The following ABCB5 variants were observed in gnomAD, a reference collection of about 807,000 sequenced individuals.
ABCB5 encodes ATP-binding cassette sub-family B member 5.
ABCB5 carries 155 observed loss-of-function variants against 144.2 expected under a neutral mutation model. The ratio of observed to expected loss-of-function variants is 1.08; its 90% CI spans 0.94 to 1.23. ABCB5 has a LOEUF of 1.23. ABCB5 is among the 50% of genes most tolerant of loss of function. The pLI, the probability that ABCB5 is intolerant of heterozygous loss-of-function variation, is 0.00. For synonymous variants in ABCB5, 610 were observed against 528.6 expected (o/e 1.15, Z -2.11); for missense variants, 1,830 against 1,520.8 (o/e 1.20, Z -3.38).
chr7:20,668,321 G>GTC (rs1432943330), intron 14 of ABCB5, among the ~76,000 whole-genome samples: 2 of 146,374 alleles, frequency 1.4e-5, no homozygotes, highest in Non-Finnish European at 3.0e-5. Context: ...AGTGAGGAGC[G>GTC]TCTCTGCCCG....
intron 19 of ABCB5, among the ~76,000 whole-genome samples, chr7:20,703,104 A>G (rs1786690690): frequency 2.0e-5 from 3 of 152,186 alleles, no homozygotes; most frequent in South Asian, 4.1e-4. Flanking sequence ...TTACTATAGA[A>G]TCAGGAATGT....
At chr7:20,690,773 G>A (rs1041905273) in intron 16 of ABCB5, among the ~76,000 whole-genome samples, 3 of 152,152 alleles carry the variant, frequency 2.0e-5, no homozygotes, top group African/African-American at 7.2e-5. Context: ...GATAGAAAAA[G>A]TCACTAGTGA....
intron 24 of ABCB5, among the ~76,000 whole-genome samples, chr7:20,740,877 C>T (rs1450891395): frequency 3.3e-5 from 5 of 151,968 alleles, no homozygotes; most frequent in Non-Finnish European, 5.9e-5. Context: ...GAGGCTGAGA[C>T]GGGCGGATCA....
At chr7:20,646,212 T>C (rs2128023831) in intron 9 of ABCB5, 74 bp downstream of exon 9, 1 of 1,400,480 alleles carries the variant, frequency 7.1e-7, no homozygotes, top group Non-Finnish European at 9.7e-7. Context: ...AATTCCTCTT[T>C]GAAGATAAAT....
intron 23 of ABCB5, among the ~76,000 whole-genome samples, chr7:20,732,927 A>G (rs1175770609): frequency 6.6e-6 from 1 of 152,200 alleles, no homozygotes; most frequent in East Asian, 1.9e-4. Context: ...ACTGCCAACC[A>G]TTCCATTACT....
chr7:20,735,687 A>T (rs1782359810), intron 23 of ABCB5, among the ~76,000 whole-genome samples: 1 of 152,224 alleles, frequency 6.6e-6, no homozygotes. Flanking sequence ...AAGATTCTAA[A>T]ATGGAAAGCA....
chr7:20,702,749 C>G (rs1015087791), intron 19 of ABCB5, among the ~76,000 whole-genome samples: 3 of 150,076 alleles, frequency 2.0e-5, no homozygotes, highest in African/African-American at 7.4e-5. Context: ...GCAAGCTCCG[C>G]CTCCAGGGTT....
chr7:20,695,820 C>CA (rs1786392731), intron 16 of ABCB5, among the ~76,000 whole-genome samples: 1 of 151,630 alleles, frequency 6.6e-6, no homozygotes, highest in African/African-American at 2.4e-5. Context: ...AAAAGATGCC[C>CA]AACGTGGTTA....
At chr7:20,630,422 A>T (rs1323638388) in intron 4 of ABCB5, among the ~76,000 whole-genome samples, 1 of 152,134 alleles carries the variant, frequency 6.6e-6, no homozygotes, top group Non-Finnish European at 1.5e-5. Context: ...GCAAAAAAAA[A>T]TCTTTAAACT....
Position 20,643,181 on chromosome 7 carries a change from C to T in ABCB5, c.315-3C>T. The T allele has an allele frequency of 6.3e-7, 1 of 1,599,896 alleles. No homozygotes were observed. Among genetic ancestry groups the T allele is most frequent in the Non-Finnish European group, 8.5e-7 (1 of 1,169,616 alleles). ...GTCTCACATTCTAATACTCTTTCTT[C>T]AGGTTGACCCTGTATTATGTTGGAA... On this transcript the variant is annotated splice_region_variant and splice_polypyrimidine_tract_variant and intron_variant, in intron 5 of 27. Transcript: ENST00000404938.
intron 26 of ABCB5, among the ~76,000 whole-genome samples, chr7:20,749,123 CTCTT>C (rs1401809642): frequency 2.6e-5 from 4 of 151,126 alleles, no homozygotes; most frequent in Non-Finnish European, 5.9e-5. Context: ...CTTTCTCTCT[CTCTT>C]TCCCTTTCTT....
chr7:20,669,361 CTT>C (rs1785378861), intron 14 of ABCB5, among the ~76,000 whole-genome samples: 1 of 146,402 alleles, frequency 6.8e-6, no homozygotes, highest in South Asian at 2.3e-4. Context: ...ACATGGGAGA[CTT>C]TTCATTTTGT....
chr7:20,639,684 G>C (rs191692334), intron 5 of ABCB5, among the ~76,000 whole-genome samples: 1 of 152,246 alleles, frequency 6.6e-6, no homozygotes, highest in Admixed American at 6.5e-5. Context: ...CTGTTCTCTA[G>C]GCTCTGTTGC....
chr7:20,646,973 T>A (rs1022199915), intron 9 of ABCB5, among the ~76,000 whole-genome samples: 1 of 152,230 alleles, frequency 6.6e-6, no homozygotes, highest in African/African-American at 2.4e-5. Context: ...AGCATCCTCA[T>A]CTATATGATA....
chr7:20,668,891 G>C (rs1310149757), intron 14 of ABCB5, among the ~76,000 whole-genome samples: 1 of 123,470 alleles, frequency 8.1e-6, no homozygotes, highest in African/African-American at 3.5e-5. Flanking sequence ...CCGTCCGGGA[G>C]GTGTGGGGCG....
At chr7:20,643,716 T>C in intron 7 of ABCB5, 84 bp downstream of exon 7, 1 of 1,464,928 alleles carries the variant, frequency 6.8e-7, no homozygotes, top group Non-Finnish European at 9.3e-7. Context: ...AAATGGCTTT[T>C]CTATTCACTT....
chr7:20,666,991 A>G (rs943822583), intron 14 of ABCB5: 3 of 829,280 alleles, frequency 3.6e-6, no homozygotes, highest in South Asian at 2.9e-5. Flanking sequence ...GTTGTTGTTC[A>G]CTATGAGGAG....
intron 20 of ABCB5, among the ~76,000 whole-genome samples, chr7:20,719,942 T>TAC (rs10533720): frequency 0.017 from 2,571 of 148,882 alleles, 46 homozygotes; most frequent in African/African-American, 0.047. Flanking sequence ...TACCTATCAA[T>TAC]ACACACACAC....
chr7:20,666,195 C>T (rs562907586), intron 14 of ABCB5, among the ~76,000 whole-genome samples: 4 of 150,528 alleles, frequency 2.7e-5, no homozygotes, highest in East Asian at 2.0e-4. Flanking sequence ...AAAAAGTTGA[C>T]GATAACAGCA....
Sources: gnomAD v4.1 joint callset for allele counts (sites outside exome capture counted in the v4.1 genomes callset) on GRCh38, gnomAD v4.1.1 for gene constraint, MANE v1.5 for transcripts, NCBI Gene and HGNC (gene_info 2026-07-23, HGNC 2026-07-21) for gene names.